The following AKT2 variants were observed in gnomAD, a reference collection of about 807,000 sequenced individuals.
AKT2 encodes AKT serine/threonine kinase 2, also known as RAC-beta serine/threonine-protein kinase.
In AKT2, 16 loss-of-function variants were observed where a neutral mutation model predicts 58.6. The observed-to-expected ratio is 0.27, with a 90% CI of 0.18 to 0.41. The LOEUF (loss-of-function observed/expected upper bound fraction) is 0.41, where lower values mean the gene tolerates loss of function less well. AKT2 is among the 10% of genes least tolerant of loss of function. The probability of loss-of-function intolerance (pLI) is 1.00; values close to 1 mark genes in which losing one functional copy is unlikely to be tolerated. For synonymous variants in AKT2, 253 were observed against 254.0 expected (o/e 1.00, Z 0.04); for missense variants, 438 against 661.0 (o/e 0.66, Z 3.70).
intron 1 of AKT2, among the ~76,000 whole-genome samples, chr19:40,280,593 G>A (rs999132588): frequency 3.9e-5 from 6 of 152,038 alleles, no homozygotes; most frequent in African/African-American, 1.2e-4. Context: ...CCAGTGAAAG[G>A]GCCCTGCCTG....
intron 4 of AKT2, among the ~76,000 whole-genome samples, chr19:40,251,258 T>A (rs532423105): frequency 3.3e-4 from 51 of 152,308 alleles, no homozygotes; most frequent in African/African-American, 1.2e-3. Flanking sequence ...AAAGGGCCAA[T>A]TATTAAATTT....
At chr19:40,267,868 C>CT (rs1443485409) in intron 1 of AKT2, among the ~76,000 whole-genome samples, 1 of 152,158 alleles carries the variant, frequency 6.6e-6, no homozygotes, top group East Asian at 1.9e-4. Flanking sequence ...GGTGGGGAGG[C>CT]TGGAGAGTGG....
intron 2 of AKT2, among the ~76,000 whole-genome samples, chr19:40,263,287 C>T (rs1438234321): frequency 6.6e-6 from 1 of 152,226 alleles, no homozygotes; most frequent in African/African-American, 2.4e-5. Context: ...TGTTCCCCAG[C>T]ACACCACCCA....
At position 40,235,200 on chromosome 19, in the gene AKT2, C is replaced by T; in HGVS notation, c.1264-53G>A. On this transcript the variant is annotated intron_variant, in intron 12 of 13. Transcript: ENST00000392038. This position sits in a 1 kb window ranked among gnomAD's most constrained non-coding sequence, Gnocchi z 6.3. Reference sequence around the variant, plus strand: ...GGACCCTGAGGCCAGGAGGCCTCAACCAAGGTCACCACGAGTGGGCCAGGT... The same window carrying T: ...GGACCCTGAGGCCAGGAGGCCTCAATCAAGGTCACCACGAGTGGGCCAGGT... The T allele has an allele frequency of 6.2e-7, 1 of 1,613,226 alleles. No individual in the cohort carries two copies. The highest frequency in any genetic ancestry group is 8.5e-7 in the Non-Finnish European group (1 of 1,179,224).
In AKT2 at chr19:40,235,335, G is replaced by T. The variant is rs1973951755; in HGVS notation, c.1191C>A (p.Pro397=). The T allele has an allele frequency of 6.2e-7, 1 of 1,613,734 alleles. No homozygotes were observed. The highest frequency in any genetic ancestry group is 1.7e-5 in the Admixed American group (1 of 60,012). The part of the protein sequence containing the change: ...KDPKQRLGGG[P]SDAKEVMEHR... The stretch of plus-strand genomic sequence containing the variant: ...GCTCCATGACCTCCTTGGCATCGCT[G>T]GGCCCCCCACCAAGCCTGTGCAGAG... The change falls in exon 12 of 14, where the codon CCC becomes CCA. Residue 397 remains proline, a synonymous_variant. Coordinates refer to ENST00000392038, the MANE Select transcript of AKT2 (RefSeq NM_001626.6). The surrounding 1 kb of genome is among the most constrained non-coding windows in gnomAD (Gnocchi z 6.3).
intron 9 of AKT2, chr19:40,236,658 G>A (rs1258092506): frequency 3.9e-6 from 2 of 512,562 alleles, no homozygotes; most frequent in Non-Finnish European, 7.1e-6. Context: ...ATTGTGAACT[G>A]TGGTTCTTAT....
intron 1 of AKT2, among the ~76,000 whole-genome samples, chr19:40,271,212 CAT>C (rs57995088): frequency 2.5e-4 from 35 of 139,998 alleles, no homozygotes; most frequent in African/African-American, 5.7e-4. Context: ...TACATACATA[CAT>C]ATATATATAT....
At chr19:40,241,488 T>C (rs1245407454) in intron 6 of AKT2, 1 of 267,146 alleles carries the variant, frequency 3.7e-6, no homozygotes, top group East Asian at 1.0e-4. Flanking sequence ...AATGGCTACA[T>C]GGGGGTCCGT....
At chr19:40,260,285 T>C (rs1367562921) in intron 2 of AKT2, among the ~76,000 whole-genome samples, 1 of 151,872 alleles carries the variant, frequency 6.6e-6, no homozygotes, top group East Asian at 1.9e-4. Context: ...CATGCACTGC[T>C]GGTGGGAATG....
rs776555398 is a variant in AKT2, at chr19:40,242,563, C to G, written c.412G>C (p.Val138Leu). The change falls in exon 5 of 14, where the codon GTG becomes CTG. Residue 138 changes from valine (V) to leucine (L), a missense_variant. Transcript: ENST00000392038. The surrounding 1 kb of genome is among the most constrained non-coding windows in gnomAD (Gnocchi z 4.3). ...TTAGCCCGTGCCTTGCTGACCGCCA[C>G]TTCCATCTCCTCAGTCGTGGAGGAG... ...SDSSTTEEME[V>L]AVSKARAKVT... is the part of the protein sequence containing the mutation. The G allele has an allele frequency of 1.3e-5, 21 of 1,613,842 alleles. 1 individual carries two copies. In the South Asian group the frequency reaches 2.3e-4, roughly 18 times the overall value.
intron 2 of AKT2, among the ~76,000 whole-genome samples, chr19:40,264,851 C>T (rs1027365688): frequency 3.9e-5 from 6 of 152,232 alleles, no homozygotes; most frequent in African/African-American, 1.2e-4. Context: ...CAGGGGACCA[C>T]TGTGTCTCGG....
chr19:40,257,046 T>A lies in AKT2; in HGVS notation c.55A>T (p.Ile19Phe), dbSNP rs1438443076. The change falls in exon 3 of 14, where the codon ATC (isoleucine) becomes TTC (phenylalanine). Residue 19 changes from isoleucine to phenylalanine, a missense_variant. Physicochemically the swap from Ile to Phe is conservative, Grantham distance 21 (BLOSUM62 0). Around this residue, in one of 3 missense-constraint regions of AKT2, gnomAD observed 244 missense variants for 347.1 expected, o/e 0.70. Transcript: ENST00000392038. ...AAGTACCGTGGCCTCCAGGTCTTGA[T>A]GTATTCACCTGAAATGAGGCAGGAA... ...EGWLHKRGEYIKTWRPRYFLL... is the reference protein window; with the variant it reads ...EGWLHKRGEYFKTWRPRYFLL... The A allele has an allele frequency of 1.2e-6, 2 of 1,613,982 alleles. No individual in the cohort carries two copies. Among genetic ancestry groups the A allele is most frequent in the Non-Finnish European group, 1.7e-6 (2 of 1,179,996 alleles).
At chr19:40,256,896 G>A (rs1417845271) in intron 3 of AKT2, 30 bp downstream of exon 3, 8 of 1,613,708 alleles carry the variant, frequency 5.0e-6, no homozygotes, top group Non-Finnish European at 6.8e-6. Flanking sequence ...GTGAGCACCA[G>A]AACACTGACC....
In AKT2 at chr19:40,234,974, T is replaced by G; in HGVS notation, c.1366+71A>C. ...GCCTTCGAGGGCCCTCCTTGAGAAG[T>G]GAGTTAAGAGCAGATCCCATCCCTC... is the stretch of plus-strand genomic sequence containing the variant. On this transcript the variant is annotated intron_variant, in intron 13 of 13. Transcript: ENST00000392038. The surrounding 1 kb of genome is among the most constrained non-coding windows in gnomAD (Gnocchi z 4.7). 1 of 1,365,994 alleles carries G rather than the reference T, an allele frequency of 7.3e-7. No individual in the cohort carries two copies. Among genetic ancestry groups the G allele is most frequent in the Non-Finnish European group, 1.0e-6 (1 of 957,084 alleles). 84.6% of individuals were successfully genotyped at this position (1,365,994 alleles called of 1,614,324 possible). A position where few individuals can be genotyped will look rare whatever the true frequency, so the allele number is the denominator to read the frequency against.
chr19:40,276,573 C>T (rs1458680760), intron 1 of AKT2, among the ~76,000 whole-genome samples: 1 of 151,718 alleles, frequency 6.6e-6, no homozygotes, highest in Non-Finnish European at 1.5e-5. Flanking sequence ...ACCATCTTGG[C>T]CAGGCTGGTA....
chr19:40,280,679 C>T (rs986592951), intron 1 of AKT2: 1 of 152,548 alleles, frequency 6.6e-6, no homozygotes, highest in Admixed American at 6.5e-5. Flanking sequence ...GAGGCTTGTC[C>T]CTGCACCTCA....
chr19:40,252,395 G>A (rs1033448502), intron 4 of AKT2, among the ~76,000 whole-genome samples: 4 of 152,106 alleles, frequency 2.6e-5, no homozygotes, highest in Non-Finnish European at 5.9e-5. Context: ...ACAGAATCTT[G>A]GTAAAGGAAA....
intron 7 of AKT2, chr19:40,239,748 G>A: frequency 3.3e-6 from 2 of 605,964 alleles, no homozygotes; most frequent in Non-Finnish European, 3.1e-6. Context: ...AACCAGCTGG[G>A]CTAAGTGCTC....
At chr19:40,272,160 GA>G (rs1456344267) in intron 1 of AKT2, among the ~76,000 whole-genome samples, 1 of 152,234 alleles carries the variant, frequency 6.6e-6, no homozygotes, top group Non-Finnish European at 1.5e-5. Context: ...GCACAGAAGT[GA>G]AATGACTTGC....
Sources: allele counts gnomAD v4.1 joint callset (sites outside exome capture counted in the v4.1 genomes callset), GRCh38; gene constraint gnomAD v4.1.1; regional missense constraint gnomAD v4.1.1; non-coding constraint Gnocchi (gnomAD v3.1); transcripts MANE v1.5; gene names NCBI Gene and HGNC (gene_info 2026-07-23, HGNC 2026-07-21).